The following CDK6 variants were observed in gnomAD, a reference collection of about 807,000 sequenced individuals.
CDK6 encodes cyclin dependent kinase 6.
In CDK6, 6 loss-of-function variants were observed where a neutral mutation model predicts 37.1. The ratio of observed to expected loss-of-function variants is 0.16; its 90% CI spans 0.09 to 0.32. The LOEUF (loss-of-function observed/expected upper bound fraction) is 0.32. Among genes scored for constraint, CDK6 ranks in the 10% least tolerant of loss-of-function variants. The probability of loss-of-function intolerance (pLI) is 1.00; values close to 1 mark genes in which losing one functional copy is unlikely to be tolerated. For missense variants in CDK6, 224 were observed against 418.9 expected (o/e 0.53, Z 4.06); for synonymous variants, 160 against 161.3 (o/e 0.99, Z 0.06).
At chr7:92,621,511 A>C (rs1393881309) in intron 6 of CDK6, among the ~76,000 whole-genome samples, 1 of 152,218 alleles carries the variant, frequency 6.6e-6, no homozygotes, top group East Asian at 1.9e-4. Flanking sequence ...TAGTATAAAT[A>C]AGGGAAAGAA....
rs773080134 is a variant in CDK6 at position 92,618,098 on chromosome 7, C to T, written c.808G>A (p.Asp270Asn). 7 of 1,613,946 alleles carry T rather than the reference C, an allele frequency of 4.3e-6. No homozygotes were observed. Among genetic ancestry groups the T allele is most frequent in the Middle Eastern group, 1.6e-4 (1 of 6,082 alleles). The change falls in exon 7 of 8, where the codon GAT becomes AAT. Residue 270 changes from aspartate to asparagine, a missense_variant. Asp to Asn is a conservative substitution (Grantham distance 23). Around this residue, in one of 5 missense-constraint regions of CDK6, gnomAD observed 90 missense variants for 136.2 expected, o/e 0.66. Coordinates refer to ENST00000424848, the MANE Select transcript of CDK6 (RefSeq NM_001145306.2). Reference sequence around the variant, plus strand: ...AGAAGTAGGTCTTTGCCTAGTTCATCGATATCTGTTACAAACTTCTCAATT... The same window carrying T: ...AGAAGTAGGTCTTTGCCTAGTTCATTGATATCTGTTACAAACTTCTCAATT... Reference protein sequence around the residue: ...QPIEKFVTDIDELGKDLLLKC... With the variant: ...QPIEKFVTDINELGKDLLLKC...
chr7:92,778,292 A>T (rs1278361978), intron 2 of CDK6, among the ~76,000 whole-genome samples: 2 of 151,898 alleles, frequency 1.3e-5, no homozygotes, highest in Non-Finnish European at 1.5e-5. Context: ...TCCATTGAAA[A>T]TTTTTTCCTC....
At chr7:92,830,172 T>G (rs1801437664) in intron 2 of CDK6, among the ~76,000 whole-genome samples, 1 of 152,134 alleles carries the variant, frequency 6.6e-6, no homozygotes. Flanking sequence ...AAGAGTAAAT[T>G]TACTTCCCAG....
chr7:92,652,692 C>T (rs936282449), intron 5 of CDK6, among the ~76,000 whole-genome samples: 8 of 152,246 alleles, frequency 5.3e-5, no homozygotes, highest in Non-Finnish European at 8.8e-5. Flanking sequence ...GTCATTAACA[C>T]GGCCAGTACA....
intron 3 of CDK6, among the ~76,000 whole-genome samples, chr7:92,764,066 G>A (rs1232350723): frequency 6.6e-6 from 1 of 151,242 alleles, no homozygotes; most frequent in Non-Finnish European, 1.5e-5. Flanking sequence ...AAAAAAACCT[G>A]TTGGGTTTAG....
intron 3 of CDK6, among the ~76,000 whole-genome samples, chr7:92,733,327 C>T (rs1798697207): frequency 6.6e-6 from 1 of 152,170 alleles, no homozygotes; most frequent in African/African-American, 2.4e-5. Context: ...CATGGCTCAT[C>T]CTGTTTACCC....
chr7:92,695,894 A>C (rs2116650661), intron 4 of CDK6, among the ~76,000 whole-genome samples: 1 of 152,314 alleles, frequency 6.6e-6, no homozygotes, highest in South Asian at 2.1e-4. Flanking sequence ...AGCTGCACAA[A>C]GGAAATACCT....
intron 3 of CDK6, among the ~76,000 whole-genome samples, chr7:92,738,398 G>A (rs1392354389): frequency 1.3e-5 from 2 of 152,146 alleles, no homozygotes; most frequent in Non-Finnish European, 2.9e-5. Context: ...CCAGCACTTT[G>A]GGAGGCCATG....
chr7:92,618,238 TTAGC>T, intron 6 of CDK6, 31 bp from the exon 7 acceptor site: 5 of 1,611,136 alleles, frequency 3.1e-6, no homozygotes, highest in Non-Finnish European at 4.2e-6. Flanking sequence ...GACATAAGCA[TTAGC>T]TACTATGCAG....
rs531663027 is a variant in CDK6 at position 92,709,300 on chromosome 7, T to G, written c.537+16326A>C. 1.0e-3 allele frequency among the ~76,000 whole-genome samples: 156 copies of G among 152,246 alleles called. 1 individual carries two copies. The highest frequency in any genetic ancestry group is 3.6e-3 in the African/African-American group (148 of 41,546). On this transcript the variant is annotated intron_variant, in intron 4 of 7. Transcript: ENST00000424848. ...AACAACCCACATACTTCTTGCTGCTTTGCCGTTGTGTGTGTGAACATGAGC... is the reference window on the plus strand; with the variant it reads ...AACAACCCACATACTTCTTGCTGCTGTGCCGTTGTGTGTGTGAACATGAGC...
intron 3 of CDK6, among the ~76,000 whole-genome samples, chr7:92,758,795 T>C (rs1333474620): frequency 6.6e-6 from 1 of 152,222 alleles, no homozygotes; most frequent in East Asian, 1.9e-4. Context: ...TTTGTTTGTG[T>C]CATCTCTGAT....
At chr7:92,617,143 G>C (rs776598661) in intron 7 of CDK6, among the ~76,000 whole-genome samples, 27 of 152,158 alleles carry the variant, frequency 1.8e-4, no homozygotes, top group Non-Finnish European at 3.5e-4. Flanking sequence ...CTCACCATAG[G>C]GGGAGCATTC....
At chr7:92,711,583 T>C (rs1443580229) in intron 4 of CDK6, among the ~76,000 whole-genome samples, 1 of 103,224 alleles carries the variant, frequency 9.7e-6, no homozygotes, top group Admixed American at 1.0e-4. Context: ...TTTTTTTTTT[T>C]AAGATAGAGT....
chr7:92,642,925 A>C (rs2116539011), intron 5 of CDK6, among the ~76,000 whole-genome samples: 1 of 149,160 alleles, frequency 6.7e-6, no homozygotes, highest in South Asian at 2.1e-4. Flanking sequence ...GACAGGGTCT[A>C]CCTCTGTCAC....
chr7:92,647,481 T>C (rs1796478789), intron 5 of CDK6, among the ~76,000 whole-genome samples: 1 of 152,218 alleles, frequency 6.6e-6, no homozygotes, highest in South Asian at 2.1e-4. Context: ...TCCAGGAATC[T>C]CTGCAGGCAG....
chr7:92,697,728 T>G (rs1475377251), intron 4 of CDK6, among the ~76,000 whole-genome samples: 6 of 152,208 alleles, frequency 3.9e-5, no homozygotes. Context: ...TGTCAATCTT[T>G]TAAGAAGGAG....
At chr7:92,788,526 A>C (rs954815321) in intron 2 of CDK6, among the ~76,000 whole-genome samples, 2 of 152,230 alleles carry the variant, frequency 1.3e-5, no homozygotes, top group African/African-American at 2.4e-5. Context: ...GCACAATATT[A>C]TGTTTAACTG....
At chr7:92,664,415 G>T (rs777734432) in intron 5 of CDK6, among the ~76,000 whole-genome samples, 7 of 152,198 alleles carry the variant, frequency 4.6e-5, no homozygotes, top group Non-Finnish European at 1.0e-4. Flanking sequence ...GCTCAACTAT[G>T]GGGAGGCACC....
rs541783143 is a variant in CDK6, at chr7:92,686,202, C to T, written c.538-14667G>A. On this transcript the variant is annotated intron_variant, in intron 4 of 7. Coordinates refer to ENST00000424848, the MANE Select transcript of CDK6 (RefSeq NM_001145306.2). ...TTTTGTACATGAGTAAGTTCTTTAG[C>T]GGTGATTTCTGATTTTGGTGCACCC... is the stretch of plus-strand genomic sequence containing the variant. Among the ~76,000 whole-genome samples, 10 of 152,138 alleles carry T rather than the reference C, an allele frequency of 6.6e-5. No homozygotes were observed. The South Asian group carries it at 8.3e-4, about 13-fold the overall frequency.
Sources: gnomAD v4.1 joint callset for allele counts (sites outside exome capture counted in the v4.1 genomes callset) on GRCh38, gnomAD v4.1.1 for gene constraint, gnomAD v4.1.1 regional missense constraint, MANE v1.5 for transcripts, NCBI Gene and HGNC (gene_info 2026-07-23, HGNC 2026-07-21) for gene names.